Variants in EPB41L3 observed in about 807,000 individuals in gnomAD.
EPB41L3 encodes band 4.1-like protein 3.
A neutral mutation model predicts 127.1 loss-of-function variants in EPB41L3; 57 were observed. That is an observed-to-expected ratio of 0.45 (90% CI 0.36 to 0.56). The LOEUF (loss-of-function observed/expected upper bound fraction) is 0.56, where lower values mean the gene tolerates loss of function less well. EPB41L3 is among the 20% of genes least tolerant of loss of function. The pLI is 0.00. For missense variants in EPB41L3, 1,273 were observed against 1,372.2 expected (o/e 0.93, Z 1.14); for synonymous variants, 572 against 549.5 (o/e 1.04, Z -0.57).
intron 3 of EPB41L3, among the ~76,000 whole-genome samples, chr18:5,604,740 T>C (rs913580152): frequency 2.0e-5 from 3 of 152,098 alleles, no homozygotes; most frequent in Non-Finnish European, 4.4e-5. Context: ...AGGTGTGAGC[T>C]ACTGTGCCCG....
At chr18:5,502,920 A>G (rs1434167856) in intron 1 of EPB41L3, among the ~76,000 whole-genome samples, 2 of 152,220 alleles carry the variant, frequency 1.3e-5, no homozygotes, top group Admixed American at 6.5e-5. Flanking sequence ...GGGTAACACT[A>G]GCTACTAACC....
intron 3 of EPB41L3, among the ~76,000 whole-genome samples, chr18:5,588,581 G>A (rs2094459968): frequency 6.6e-6 from 1 of 151,646 alleles, no homozygotes; most frequent in African/African-American, 2.4e-5. Flanking sequence ...AGTAGAAACA[G>A]TACATCCATC....
intron 3 of EPB41L3, among the ~76,000 whole-genome samples, chr18:5,459,897 CTT>C (rs1353297759): frequency 6.6e-6 from 1 of 152,146 alleles, no homozygotes; most frequent in Non-Finnish European, 1.5e-5. Context: ...TTAAATTTCT[CTT>C]TTATTTTTAA....
At chr18:5,536,778 C>A (rs1353475999) in intron 1 of EPB41L3, among the ~76,000 whole-genome samples, 1 of 152,116 alleles carries the variant, frequency 6.6e-6, no homozygotes, top group East Asian at 1.9e-4. Flanking sequence ...TTGCTGTGAG[C>A]TGATATCGTG....
At chr18:5,407,846 T>C (rs1316537155) in intron 14 of EPB41L3, 110 bp from the exon 15 acceptor site, 2 of 860,600 alleles carry the variant, frequency 2.3e-6, no homozygotes, top group Admixed American at 4.0e-5. Context: ...TGTACGCTCT[T>C]GCATATGGAT....
At chr18:5,447,058 G>T (rs2081572921) in intron 3 of EPB41L3, among the ~76,000 whole-genome samples, 1 of 152,206 alleles carries the variant, frequency 6.6e-6, no homozygotes, top group African/African-American at 2.4e-5. Context: ...AAAGCAGTTG[G>T]ATGAGAGAGG....
chr18:5,435,528 T>C (rs2079642402), intron 6 of EPB41L3, among the ~76,000 whole-genome samples: 1 of 152,256 alleles, frequency 6.6e-6, no homozygotes, highest in South Asian at 2.1e-4. Flanking sequence ...TATAGTCACA[T>C]GCTCTACAGG....
chr18:5,513,311 A>G (rs755555739), intron 1 of EPB41L3, among the ~76,000 whole-genome samples: 1 of 152,218 alleles, frequency 6.6e-6, no homozygotes, highest in Non-Finnish European at 1.5e-5. Flanking sequence ...TGAGCTGGAG[A>G]GGACCACAAA....
rs951371203 is a variant in EPB41L3, at chr18:5,456,061, A to C, written c.382-10817T>G. ...TCAAAAAAACCCCTAAACAAACAAA[A>C]CTTGAATTGTGATTTATAATTCATT... On this transcript the variant is annotated intron_variant, in intron 3 of 22. Transcript: ENST00000341928. Among the ~76,000 whole-genome samples, 2 of 152,080 alleles carry C rather than the reference A, an allele frequency of 1.3e-5. 1 individual carries two copies. Among genetic ancestry groups the C allele is most frequent in the African/African-American group, 4.8e-5 (2 of 41,382 alleles).
chr18:5,562,404 G>A (rs1280400336), intron 3 of EPB41L3, among the ~76,000 whole-genome samples: 2 of 152,218 alleles, frequency 1.3e-5, no homozygotes, highest in Non-Finnish European at 2.9e-5. Flanking sequence ...AACAATGAGA[G>A]TAGGGATCGT....
intron 1 of EPB41L3, among the ~76,000 whole-genome samples, chr18:5,508,505 T>C (rs892181392): frequency 2.6e-5 from 4 of 152,124 alleles, no homozygotes; most frequent in Non-Finnish European, 5.9e-5. Flanking sequence ...CGGTGGTTCA[T>C]GCCTGTAATT....
chr18:5,611,306 TC>T (rs1397974111), intron 3 of EPB41L3, among the ~76,000 whole-genome samples: 16 of 152,350 alleles, frequency 1.1e-4, no homozygotes, highest in African/African-American at 3.1e-4. Context: ...GGAGTATTAC[TC>T]AGCCTTCAAA....
intron 1 of EPB41L3, among the ~76,000 whole-genome samples, chr18:5,614,811 A>C (rs1342179710): frequency 1.3e-5 from 2 of 152,228 alleles, no homozygotes; most frequent in Non-Finnish European, 2.9e-5. Flanking sequence ...TTTAATATGC[A>C]GTTTCCAGGA....
intron 2 of EPB41L3, 156 bp downstream of exon 2, chr18:5,488,845 G>A (rs977812905): frequency 1.3e-5 from 10 of 747,050 alleles, no homozygotes; most frequent in Non-Finnish European, 1.6e-5. Context: ...TTCACTGAAA[G>A]CCTTAAAATA....
At chr18:5,564,214 A>C (rs1339091779) in intron 3 of EPB41L3, among the ~76,000 whole-genome samples, 2 of 152,220 alleles carry the variant, frequency 1.3e-5, no homozygotes, top group Non-Finnish European at 2.9e-5. Flanking sequence ...AGATATTTAA[A>C]TATAAATGAC....
intron 1 of EPB41L3, among the ~76,000 whole-genome samples, chr18:5,522,378 C>A (rs1435633190): frequency 1.3e-5 from 2 of 152,150 alleles, no homozygotes; most frequent in African/African-American, 4.8e-5. Context: ...CCTGTCTCGG[C>A]CTCCCAAAGT....
chr18:5,462,842 C>G (rs2084266743), intron 3 of EPB41L3, among the ~76,000 whole-genome samples: 1 of 152,170 alleles, frequency 6.6e-6, no homozygotes, highest in Non-Finnish European at 1.5e-5. Context: ...AAACAGTATA[C>G]CCAGTTGCAA....
At chr18:5,607,704 CA>C (rs1409742071) in intron 3 of EPB41L3, among the ~76,000 whole-genome samples, 1 of 152,152 alleles carries the variant, frequency 6.6e-6, no homozygotes, top group Non-Finnish European at 1.5e-5. Flanking sequence ...CCATCAGGTG[CA>C]AAGTTCTTCA....
chr18:5,487,381 A>G (rs895324461), intron 2 of EPB41L3, among the ~76,000 whole-genome samples: 1 of 150,038 alleles, frequency 6.7e-6, no homozygotes, highest in African/African-American at 2.4e-5. Context: ...AAAAATATAC[A>G]TATATACAAA....
Sources: gnomAD v4.1 joint callset for allele counts (sites outside exome capture counted in the v4.1 genomes callset) on GRCh38, gnomAD v4.1.1 for gene constraint, MANE v1.5 for transcripts, NCBI Gene and HGNC (gene_info 2026-07-23, HGNC 2026-07-21) for gene names.